Variants in SORCS2 observed in about 807,000 individuals in gnomAD.
The protein encoded by SORCS2 is sortilin related VPS10 domain containing receptor 2.
Under a neutral mutation model 141.6 loss-of-function variants are expected in SORCS2, and 100 were observed. That is an observed-to-expected ratio of 0.71 (90% CI 0.60 to 0.83). The LOEUF (loss-of-function observed/expected upper bound fraction) is 0.83. Among genes scored for constraint, SORCS2 ranks in the 40% least tolerant of loss-of-function variants. The probability of loss-of-function intolerance (pLI) is 0.00; values close to 1 mark genes in which losing one functional copy is unlikely to be tolerated. For synonymous variants in SORCS2, 789 were observed against 676.9 expected, an observed-to-expected ratio of 1.17 and a Z score of -2.57; for missense variants, 1,646 against 1,560.2, an observed-to-expected ratio of 1.05 and a Z score of -0.93.
At chr4:7,735,639 G>C (rs1712103808) in intron 25 of SORCS2, among the ~76,000 whole-genome samples, 1 of 152,224 alleles carries the variant, frequency 6.6e-6, no homozygotes, top group Admixed American at 6.5e-5. Flanking sequence ...AATAGGGTCT[G>C]TCCTGTGGTC....
In SORCS2 at chr4:7,537,093, C is replaced by T. The variant is rs542066629; in HGVS notation, c.648+5464C>T. ...GCTGATGGGGCTCCCTGTGTCTGCG[C>T]AAGCACAGCCCGGCCCGCTTGGCTG... On this transcript the variant is annotated intron_variant, in intron 3 of 26. Transcript: ENST00000507866. Among the ~76,000 whole-genome samples the T allele has an allele frequency of 4.6e-5, 7 of 152,368 alleles. No individual in the cohort carries two copies. In the South Asian group the frequency reaches 8.3e-4, roughly 18 times the overall value.
intron 1 of SORCS2, among the ~76,000 whole-genome samples, chr4:7,289,382 T>C (rs1469658135): frequency 6.6e-6 from 1 of 152,168 alleles, no homozygotes. Flanking sequence ...CACATATTAG[T>C]GTCTGGTCCC....
chr4:7,351,539 A>C (rs1022655326), intron 1 of SORCS2, among the ~76,000 whole-genome samples: 4 of 152,118 alleles, frequency 2.6e-5, no homozygotes, highest in African/African-American at 7.2e-5. Context: ...TCTGGACAAC[A>C]GTTCTCTGGG....
chr4:7,223,031 C>T (rs1728801501), intron 1 of SORCS2, among the ~76,000 whole-genome samples: 1 of 152,200 alleles, frequency 6.6e-6, no homozygotes, highest in African/African-American at 2.4e-5. Context: ...ATGCTGAAAT[C>T]CCAGACTTCC....
chr4:7,192,906 G>A lies in SORCS2; in HGVS notation c.260G>A (p.Arg87His), dbSNP rs1223305574. 3 of 1,169,908 alleles carry A rather than the reference G, an allele frequency of 2.6e-6. No homozygotes were observed. Among genetic ancestry groups the A allele is most frequent in the African/African-American group, 1.6e-5 (1 of 61,686 alleles). 72.5% of individuals were successfully genotyped at this position (1,169,908 alleles called of 1,614,324 possible). ...GGTGGCGGCGAGGACCGGCAGGCGCGCGGCACGGAGCCAGGCGCCCCGGGT... is the reference window on the plus strand; with the variant it reads ...GGTGGCGGCGAGGACCGGCAGGCGCACGGCACGGAGCCAGGCGCCCCGGGT... ...EPGGGEDRQA[R>H]GTEPGAPGPS... is the part of the protein sequence containing the mutation. The change falls in exon 1 of 27, where the codon CGC becomes CAC. Residue 87 changes from arginine to histidine, a missense_variant. Transcript: ENST00000507866. This position sits in a 1 kb window ranked among gnomAD's most constrained non-coding sequence, Gnocchi z 4.0.
chr4:7,214,631 A>C (rs1577283712), intron 1 of SORCS2, among the ~76,000 whole-genome samples: 1 of 152,224 alleles, frequency 6.6e-6, no homozygotes, highest in Non-Finnish European at 1.5e-5. Context: ...ACAGGATCTC[A>C]GTTCCCAGGG....
At chr4:7,480,567 G>T (rs1237479857) in intron 2 of SORCS2, among the ~76,000 whole-genome samples, 1 of 152,200 alleles carries the variant, frequency 6.6e-6, no homozygotes, top group Non-Finnish European at 1.5e-5. Context: ...CCCAGCCCTC[G>T]CTCCACCCTC....
chr4:7,719,955 C>T (rs758892937), intron 18 of SORCS2, among the ~76,000 whole-genome samples: 1 of 152,076 alleles, frequency 6.6e-6, no homozygotes, highest in East Asian at 1.9e-4. Flanking sequence ...CACCTACTGT[C>T]GGGAAGAGGC....
chr4:7,201,501 C>T lies in SORCS2; in HGVS notation c.480+8375C>T, dbSNP rs188875481. Among the ~76,000 whole-genome samples, 13 of 152,298 alleles carry T rather than the reference C, an allele frequency of 8.5e-5. No homozygotes were observed. Among genetic ancestry groups the T allele is most frequent in the Admixed American group, 2.6e-4 (4 of 15,306 alleles). ...GCTTGCGTGGGCCTCTCGGCGTAGC[C>T]GTTACTTTATTTTATGGTGATTTTT... On this transcript the variant is annotated intron_variant, in intron 1 of 26. Coordinates refer to ENST00000507866, the MANE Select transcript of SORCS2 (RefSeq NM_020777.3). This position sits in a 1 kb window ranked among gnomAD's most constrained non-coding sequence, Gnocchi z 4.4.
intron 4 of SORCS2, 112 bp from the exon 5 acceptor site, chr4:7,654,022 C>A: frequency 1.9e-6 from 2 of 1,036,306 alleles, no homozygotes; most frequent in Non-Finnish European, 2.9e-6. Flanking sequence ...GTCCGCTGGA[C>A]AAGGATGACT....
chr4:7,417,395 T>G (rs1442216772), intron 2 of SORCS2, among the ~76,000 whole-genome samples: 2 of 152,292 alleles, frequency 1.3e-5, no homozygotes, highest in African/African-American at 4.8e-5. Context: ...TGGAGTTTGC[T>G]TAGCACAGGG....
intron 1 of SORCS2, among the ~76,000 whole-genome samples, chr4:7,301,942 C>A (rs898027925): frequency 2.0e-5 from 3 of 152,218 alleles, no homozygotes; most frequent in Non-Finnish European, 4.4e-5. Flanking sequence ...CCAGCTCTTG[C>A]TGCACTCCTA....
At chr4:7,241,105 T>A (rs951520097) in intron 1 of SORCS2, among the ~76,000 whole-genome samples, 1 of 151,952 alleles carries the variant, frequency 6.6e-6, no homozygotes. Flanking sequence ...TGGCTAAATT[T>A]TTTTTGTATT....
intron 5 of SORCS2, among the ~76,000 whole-genome samples, chr4:7,661,241 T>C (rs6821917): frequency 0.02 from 2,612 of 127,428 alleles, 138 homozygotes; most frequent in South Asian, 0.048. Flanking sequence ...GTAAGGAAGA[T>C]GCAGAGACTC....
chr4:7,605,363 C>G (rs1186211354), intron 3 of SORCS2, among the ~76,000 whole-genome samples: 1 of 152,098 alleles, frequency 6.6e-6, no homozygotes, highest in African/African-American at 2.4e-5. Context: ...ACGGTGCAGT[C>G]TCTATTCCAC....
chr4:7,431,894 A>C (rs1726888331), intron 2 of SORCS2: 1 of 152,096 alleles, frequency 6.6e-6, no homozygotes, highest in Non-Finnish European at 1.5e-5. Flanking sequence ...GGCCTGGCGC[A>C]CCTCTTACTC....
In SORCS2 at chr4:7,446,616, C is replaced by T. The variant is rs566258486; in HGVS notation, c.548+50261C>T. Among the ~76,000 whole-genome samples the T allele has an allele frequency of 3.9e-5, 6 of 152,206 alleles. No individual in the cohort carries two copies. The South Asian group carries it at 1.2e-3, about 32-fold the overall frequency. On this transcript the variant is annotated intron_variant, in intron 2 of 26. Coordinates refer to ENST00000507866, the MANE Select transcript of SORCS2 (RefSeq NM_020777.3). ...TGTCCCCAGCATGACCCTGAGCAGC[C>T]TTGTTGGGGTGATGAGGGGTGGAAT...
Position 7,339,685 on chromosome 4 carries a change from A to G in SORCS2, c.481-56603A>G, listed in dbSNP as rs566774212. Reference sequence around the variant, plus strand: ...CCTTGATCCCTTCTGTAAAGGCCCTATCTCCAAATAAGGGCACATTCGTAG... The same window carrying G: ...CCTTGATCCCTTCTGTAAAGGCCCTGTCTCCAAATAAGGGCACATTCGTAG... On this transcript the variant is annotated intron_variant, in intron 1 of 26. Transcript: ENST00000507866. 9.2e-5 allele frequency among the ~76,000 whole-genome samples: 14 copies of G among 152,288 alleles called. No individual in the cohort carries two copies. In the South Asian group the frequency reaches 2.9e-3, roughly 32 times the overall value.
intron 1 of SORCS2, among the ~76,000 whole-genome samples, chr4:7,294,762 CCCTCCTCCCCCT>C (rs1560170306): frequency 3.7e-5 from 1 of 26,752 alleles, no homozygotes. Flanking sequence ...CTCCCCAGCT[CCCTCCTCCCCCT>C]CCCCCTCCCC....
Sources: allele counts gnomAD v4.1 joint callset (sites outside exome capture counted in the v4.1 genomes callset), GRCh38; gene constraint gnomAD v4.1.1; non-coding constraint Gnocchi (gnomAD v3.1); transcripts MANE v1.5; gene names NCBI Gene and HGNC (gene_info 2026-07-23, HGNC 2026-07-21).